Variants in ITGB3 observed in about 807,000 individuals in gnomAD.
The protein encoded by ITGB3 is integrin subunit beta 3.
ITGB3 carries 48 observed loss-of-function variants against 85.8 expected under a neutral mutation model. The observed-to-expected ratio is 0.56, with a 90% CI of 0.44 to 0.71. ITGB3 has a LOEUF of 0.71. ITGB3 is among the 30% of genes least tolerant of loss of function. The pLI is 0.00. For missense variants in ITGB3, 861 were observed against 1,019.1 expected (o/e 0.84, Z 2.11); for synonymous variants, 363 against 395.6 (o/e 0.92, Z 0.98).
In ITGB3 at chr17:47,292,587, C is replaced by T. The variant is rs562984912; in HGVS notation, c.1690+19C>T. 1.9e-6 allele frequency: 3 copies of T among 1,599,024 alleles called. No homozygotes were observed. Among genetic ancestry groups the T allele is most frequent in the South Asian group, 1.1e-5 (1 of 91,062 alleles). On this transcript the variant is annotated intron_variant, in intron 10 of 14. Coordinates refer to ENST00000559488, the MANE Select transcript of ITGB3 (RefSeq NM_000212.3). ...TGCTCAGGTGAGGAGAACTGCAGGG[C>T]CCCCTGTCCTGGAACCCACACCCCC...
intron 9 of ITGB3, 64 bp from the exon 10 acceptor site, chr17:47,292,075 C>T (rs1240583521): frequency 3.3e-5 from 51 of 1,556,260 alleles, no homozygotes; most frequent in Non-Finnish European, 3.9e-5. Context: ...CTTTTTTTTT[C>T]CTCCAGAGCT....
intron 1 of ITGB3, among the ~76,000 whole-genome samples, chr17:47,271,586 G>T (rs560310647): frequency 6.6e-6 from 1 of 152,198 alleles, no homozygotes; most frequent in African/African-American, 2.4e-5. Context: ...AGAAATCATT[G>T]GTATTGTTGT....
At chr17:47,305,136 A>G (rs1314418525) in intron 13 of ITGB3, among the ~76,000 whole-genome samples, 1 of 152,140 alleles carries the variant, frequency 6.6e-6, no homozygotes, top group Non-Finnish European at 1.5e-5. Context: ...GCCCATACTA[A>G]TGTGCAGAAT....
chr17:47,258,001 TATC>T (rs2064996236), intron 1 of ITGB3, among the ~76,000 whole-genome samples: 1 of 152,164 alleles, frequency 6.6e-6, no homozygotes, highest in Non-Finnish European at 1.5e-5. Context: ...GATCTGAGGT[TATC>T]ATCCCCTCCC....
At chr17:47,272,934 C>T (rs533844084) in intron 1 of ITGB3, among the ~76,000 whole-genome samples, 5 of 152,000 alleles carry the variant, frequency 3.3e-5, no homozygotes, top group East Asian at 3.9e-4. Flanking sequence ...CCACCACGCC[C>T]GGCTAATTTT....
At chr17:47,281,384 G>A (rs780401707) in intron 2 of ITGB3, among the ~76,000 whole-genome samples, 1 of 152,222 alleles carries the variant, frequency 6.6e-6, no homozygotes, top group Admixed American at 6.5e-5. Flanking sequence ...CACCCACACA[G>A]TGTTGGCTAA....
chr17:47,270,634 C>T (rs1567760866), intron 1 of ITGB3, among the ~76,000 whole-genome samples: 1 of 152,198 alleles, frequency 6.6e-6, no homozygotes, highest in Admixed American at 6.5e-5. Context: ...GGCTTGGAAC[C>T]AATGTCATCA....
chr17:47,303,196 G>A (rs2065173952), intron 13 of ITGB3, among the ~76,000 whole-genome samples: 1 of 152,130 alleles, frequency 6.6e-6, no homozygotes, highest in South Asian at 2.1e-4. Context: ...GTTGCAGTGA[G>A]CTGAGATCGC....
intron 2 of ITGB3, among the ~76,000 whole-genome samples, chr17:47,278,462 C>T (rs557647481): frequency 6.6e-6 from 1 of 152,182 alleles, no homozygotes; most frequent in South Asian, 2.1e-4. Context: ...GGCCTGTAAC[C>T]CCAGCTACTA....
intron 1 of ITGB3, among the ~76,000 whole-genome samples, chr17:47,273,190 C>T (rs948019707): frequency 6.6e-6 from 1 of 152,278 alleles, no homozygotes; most frequent in East Asian, 1.9e-4. Context: ...TGAATGGAGA[C>T]AGCTAAATGA....
rs764776760 is a variant in ITGB3 at position 47,291,006 on chromosome 17, C to G, written c.1178C>G (p.Ser393Cys). ...GTGCGTGACCTCCCTGAAGAGTTGTCTCTATCCTTCAATGCCACCTGCCTC... is the reference window on the plus strand; with the variant it reads ...GTGCGTGACCTCCCTGAAGAGTTGTGTCTATCCTTCAATGCCACCTGCCTC... Reference protein sequence around the residue: ...LEVRDLPEELSLSFNATCLNN... With the variant: ...LEVRDLPEELCLSFNATCLNN... Residue 393 changes from serine (S) to cysteine (C), a missense_variant, in exon 9 of 15, where the codon TCT becomes TGT. Coordinates refer to ENST00000559488, the MANE Select transcript of ITGB3 (RefSeq NM_000212.3). The G allele has an allele frequency of 1.9e-6, 3 of 1,613,996 alleles. No individual in the cohort carries two copies. In the African/African-American group the frequency reaches 4.0e-5, roughly 22 times the overall value.
chr17:47,307,667 G>A (rs757938541), intron 14 of ITGB3, 30 bp downstream of exon 14: 14 of 1,609,144 alleles, frequency 8.7e-6, no homozygotes, highest in Non-Finnish European at 1.2e-5. Context: ...GTTTTCTAAA[G>A]TCATTGGTCT....
intron 2 of ITGB3, among the ~76,000 whole-genome samples, chr17:47,281,967 G>C (rs1206674210): frequency 3.3e-5 from 5 of 151,986 alleles, no homozygotes; most frequent in Non-Finnish European, 5.9e-5. Context: ...TTTGTTTTGT[G>C]AGATCAAGTC....
intron 2 of ITGB3, among the ~76,000 whole-genome samples, chr17:47,278,663 A>G (rs1428237641): frequency 1.3e-5 from 2 of 152,174 alleles, no homozygotes; most frequent in Admixed American, 6.5e-5. Context: ...TTCCTAGTCC[A>G]TGGCCTGTTA....
chr17:47,287,078 T>G lies in ITGB3; in HGVS notation c.786T>G (p.Ile262Met), dbSNP rs2065105347. The G allele has an allele frequency of 6.2e-7, 1 of 1,613,968 alleles. No individual in the cohort carries two copies. Among genetic ancestry groups the G allele is most frequent in the Middle Eastern group, 1.7e-4 (1 of 6,060 alleles). Residue 262 changes from isoleucine (I) to methionine (M), a missense_variant, in exon 6 of 15, where the codon ATT (isoleucine) becomes ATG (methionine). Ile to Met is a conservative substitution (Grantham distance 10). Transcript: ENST00000559488. ...IMQATVCDEK[I>M]GWRNDASHLL... ...TTGTTTTCTTTTAACAGGAAAAGAT[T>G]GGCTGGAGGAATGATGCATCCCACT...
At chr17:47,256,201 C>T (rs2064989272) in intron 1 of ITGB3, among the ~76,000 whole-genome samples, 2 of 152,100 alleles carry the variant, frequency 1.3e-5, no homozygotes, top group Non-Finnish European at 1.5e-5. Context: ...CACGGTGGCT[C>T]ACGCCTGTAA....
At position 47,313,112 on chromosome 17, in the gene ITGB3, T is replaced by G. The variant is rs1018361910; in HGVS notation, c.*2908T>G. On this transcript the variant is annotated 3_prime_UTR_variant, in exon 15 of 15. Coordinates refer to ENST00000559488, the MANE Select transcript of ITGB3 (RefSeq NM_000212.3). ...CCTCAGCCTCCCCAGTAGCCGGGAT[T>G]ACAGGCACCCGCCACCACACCCGGC... Among the ~76,000 whole-genome samples the G allele has an allele frequency of 1.3e-5, 2 of 152,018 alleles. No individual in the cohort carries two copies. Among genetic ancestry groups the G allele is most frequent in the African/African-American group, 4.8e-5 (2 of 41,376 alleles).
At chr17:47,268,326 T>G (rs1195088458) in intron 1 of ITGB3, among the ~76,000 whole-genome samples, 1 of 152,212 alleles carries the variant, frequency 6.6e-6, no homozygotes, top group Non-Finnish European at 1.5e-5. Flanking sequence ...CCTTCAAATC[T>G]TAACTCATTC....
chr17:47,261,057 A>C (rs909137335), intron 1 of ITGB3, among the ~76,000 whole-genome samples: 1 of 152,128 alleles, frequency 6.6e-6, no homozygotes, highest in African/African-American at 2.4e-5. Flanking sequence ...TGTACAGTGG[A>C]TCTCTTGAAC....
Sources: allele counts gnomAD v4.1 joint callset (sites outside exome capture counted in the v4.1 genomes callset), GRCh38; gene constraint gnomAD v4.1.1; transcripts MANE v1.5; gene names NCBI Gene and HGNC (gene_info 2026-07-23, HGNC 2026-07-21).